TRMT9B: variants seen among roughly 807,000 people sequenced by gnomAD.
The protein encoded by TRMT9B is probable tRNA methyltransferase 9B.
Under a neutral mutation model 11.5 loss-of-function variants are expected in TRMT9B, and 16 were observed. The ratio of observed to expected loss-of-function variants is 1.39; its 90% CI spans 0.94 to 2.11. TRMT9B has a LOEUF of 2.11. Among genes scored for constraint, TRMT9B ranks in the 30% most tolerant of loss-of-function variants. TRMT9B has a pLI of 0.00. For missense variants in TRMT9B, 941 were observed against 553.8 expected, an observed-to-expected ratio of 1.70 and a Z score of -7.02; for synonymous variants, 274 against 192.4, an observed-to-expected ratio of 1.42 and a Z score of -3.51.
Position 12,948,491 on chromosome 8 carries a change from T to C in TRMT9B, c.-200+2525T>C, listed in dbSNP as rs1024706556. Among the ~76,000 whole-genome samples the C allele has an allele frequency of 9.4e-5, 14 of 148,172 alleles. No homozygotes were observed. The South Asian group carries it at 2.9e-3, about 31-fold the overall frequency. On this transcript the variant is annotated intron_variant, in intron 1 of 4. Coordinates refer to ENST00000524591, the MANE Select transcript of TRMT9B (RefSeq NM_020844.3). ...AATACAATAATTTATATTATATAAA[T>C]ATATTAAAATATATAATACATGTGA... is the stretch of plus-strand genomic sequence containing the variant.
In TRMT9B at chr8:13,023,896, G is replaced by A. The variant is rs1353378628; in HGVS notation, c.*1852G>A. On this transcript the variant is annotated 3_prime_UTR_variant, in exon 5 of 5. Coordinates refer to ENST00000524591, the MANE Select transcript of TRMT9B (RefSeq NM_020844.3). The stretch of plus-strand genomic sequence containing the variant: ...TCTTTTGGCTTCAAAATAAGATTGT[G>A]TTATCACCATTTTGGTAGATGAGGT... The A allele has an allele frequency of 1.2e-5, 2 of 166,910 alleles. No homozygotes were observed. 10.3% of individuals were successfully genotyped at this position (166,910 alleles called of 1,614,324 possible).
chr8:12,969,846 A>ATTTT (rs368805990), intron 1 of TRMT9B, among the ~76,000 whole-genome samples: 14 of 124,344 alleles, frequency 1.1e-4, no homozygotes, highest in Admixed American at 2.5e-4. Flanking sequence ...TAATGTTTTA[A>ATTTT]TTTTTTTTTT....
rs556721585 is a variant in TRMT9B at position 12,948,047 on chromosome 8, T to C, written c.-200+2081T>C. 2.0e-5 allele frequency among the ~76,000 whole-genome samples: 3 copies of C among 152,334 alleles called. No homozygotes were observed. In the East Asian group the frequency reaches 5.8e-4, roughly 29 times the overall value. On this transcript the variant is annotated intron_variant, in intron 1 of 4. Transcript: ENST00000524591. ...AGGTCATAATAATATTATATAGTAC[T>C]GTTGCTCCTTGACTTACGATGGGGG...
At chr8:12,948,899 G>T (rs1409335790) in intron 1 of TRMT9B, among the ~76,000 whole-genome samples, 1 of 152,208 alleles carries the variant, frequency 6.6e-6, no homozygotes, top group African/African-American at 2.4e-5. Flanking sequence ...GGCGGAGCTT[G>T]CAGTGAGCCG....
At chr8:12,993,409 T>G (rs2460911) in intron 2 of TRMT9B, among the ~76,000 whole-genome samples, 110,295 of 152,110 alleles carry the variant, frequency 0.73, 40,623 homozygotes, top group Middle Eastern at 0.81. Flanking sequence ...GTTTACGCAG[T>G]TACCTTTTAC....
chr8:13,021,527 C>T lies in TRMT9B; in HGVS notation c.848C>T (p.Thr283Ile). ...NTEVWASSTV[T>I]VQPSRHSSLD... ...GAAGTTTGGGCCAGTAGCACTGTAA[C>T]AGTCCAGCCTTCCAGACACTCTAGT... The change falls in exon 5 of 5, where the codon ACA (threonine) becomes ATA (isoleucine). Residue 283 changes from threonine to isoleucine, a missense_variant. Thr to Ile is a moderately conservative substitution (Grantham distance 89). Transcript: ENST00000524591. 1 of 1,613,778 alleles carries T rather than the reference C, an allele frequency of 6.2e-7. No homozygotes were observed. Among genetic ancestry groups the T allele is most frequent in the Non-Finnish European group, 8.5e-7 (1 of 1,179,724 alleles).
At chr8:12,984,729 C>G (rs544956995) in intron 1 of TRMT9B, among the ~76,000 whole-genome samples, 1 of 152,078 alleles carries the variant, frequency 6.6e-6, no homozygotes, top group Non-Finnish European at 1.5e-5. Context: ...AAGCCGGGCG[C>G]TATATTTTCA....
At chr8:12,963,835 C>T (rs1802462523) in intron 1 of TRMT9B, among the ~76,000 whole-genome samples, 1 of 152,206 alleles carries the variant, frequency 6.6e-6, no homozygotes, top group South Asian at 2.1e-4. Context: ...CTCCTGTTTT[C>T]TGTTTATTTA....
At chr8:12,980,370 C>T (rs1805160023) in intron 1 of TRMT9B, among the ~76,000 whole-genome samples, 1 of 151,840 alleles carries the variant, frequency 6.6e-6, no homozygotes, top group African/African-American at 2.4e-5. Context: ...AGGATGATCT[C>T]GCCTTGAAAT....
At chr8:12,984,242 C>T (rs1339654375) in intron 1 of TRMT9B, among the ~76,000 whole-genome samples, 2 of 152,182 alleles carry the variant, frequency 1.3e-5, no homozygotes, top group Non-Finnish European at 2.9e-5. Context: ...AAATGTCATT[C>T]TGTCTATGCA....
At chr8:13,006,568 A>C in intron 3 of TRMT9B, 1 of 1,420,714 alleles carries the variant, frequency 7.0e-7, no homozygotes. Flanking sequence ...GGAATCCTGA[A>C]ATTGCACCCT....
chr8:12,951,615 A>T (rs1009428738), intron 1 of TRMT9B: 2 of 151,522 alleles, frequency 1.3e-5, no homozygotes, highest in Non-Finnish European at 2.9e-5. Flanking sequence ...GCCGCGCGCC[A>T]GCCCGCCTTC....
chr8:12,981,419 G>T (rs1410547144), intron 1 of TRMT9B, among the ~76,000 whole-genome samples: 2 of 152,072 alleles, frequency 1.3e-5, no homozygotes, highest in South Asian at 2.1e-4. Context: ...CAGGTATTTG[G>T]ACTTTCTCTT....
At chr8:12,980,597 A>C (rs1354771966) in intron 1 of TRMT9B, among the ~76,000 whole-genome samples, 1 of 152,156 alleles carries the variant, frequency 6.6e-6, no homozygotes, top group East Asian at 1.9e-4. Context: ...GAGATATTAA[A>C]GCCAAAATAA....
chr8:12,950,985 A>T (rs879059318), intron 1 of TRMT9B, among the ~76,000 whole-genome samples: 2 of 152,148 alleles, frequency 1.3e-5, no homozygotes, highest in African/African-American at 4.8e-5. Flanking sequence ...TGCATTTTTA[A>T]AGTGCATAGA....
At chr8:12,978,640 C>G (rs917375297) in intron 1 of TRMT9B, among the ~76,000 whole-genome samples, 2 of 152,170 alleles carry the variant, frequency 1.3e-5, no homozygotes, top group Non-Finnish European at 2.9e-5. Flanking sequence ...GTGTCACTAA[C>G]CAGCCAATAT....
rs1814157619 is a variant in TRMT9B, at chr8:13,022,720, G to T, written c.*676G>T. 6.0e-6 allele frequency: 1 copy of T among 167,086 alleles called. No individual in the cohort carries two copies. Among genetic ancestry groups the T allele is most frequent in the African/African-American group, 2.4e-5 (1 of 41,450 alleles). 10.4% of individuals were successfully genotyped at this position (167,086 alleles called of 1,614,324 possible). On this transcript the variant is annotated 3_prime_UTR_variant, in exon 5 of 5. Coordinates refer to ENST00000524591, the MANE Select transcript of TRMT9B (RefSeq NM_020844.3). ...TTAAAGGCACTGTTAGGCTGAGCATGGTGGCTCATGCCTGTAATCCCAGCA... is the reference window on the plus strand; with the variant it reads ...TTAAAGGCACTGTTAGGCTGAGCATTGTGGCTCATGCCTGTAATCCCAGCA...
Position 13,020,980 on chromosome 8 carries a change from C to G in TRMT9B, c.329-28C>G, listed in dbSNP as rs183285576. 6.4e-4 allele frequency: 926 copies of G among 1,454,458 alleles called. 6 individuals are homozygous for G. The East Asian group carries it at 0.013, about 20-fold the overall frequency. 90.1% of individuals were successfully genotyped at this position (1,454,458 alleles called of 1,614,324 possible). On this transcript the variant is annotated intron_variant, in intron 4 of 4. Transcript: ENST00000524591. Reference sequence around the variant, plus strand: ...GTGTGGGTTTATGTGTGTGCATACACACTGAGATCTAGTTTTGTCTTTTTC... The same window carrying G: ...GTGTGGGTTTATGTGTGTGCATACAGACTGAGATCTAGTTTTGTCTTTTTC...
intron 1 of TRMT9B, among the ~76,000 whole-genome samples, chr8:12,968,309 A>G (rs1195668978): frequency 2.0e-5 from 3 of 152,184 alleles, no homozygotes; most frequent in Non-Finnish European, 4.4e-5. Context: ...TGAGGTCAAG[A>G]AGAGTGAGGA....
Sources: allele counts gnomAD v4.1 joint callset (sites outside exome capture counted in the v4.1 genomes callset), GRCh38; gene constraint gnomAD v4.1.1; transcripts MANE v1.5; gene names NCBI Gene and HGNC (gene_info 2026-07-23, HGNC 2026-07-21).